The following PGAP4 variants were observed in gnomAD, a reference collection of about 807,000 sequenced individuals.
PGAP4 encodes post-GPI attachment to proteins GalNAc transferase 4, also known as GPI-N-acetylgalactosamine transferase PGAP4.
In PGAP4, 12 loss-of-function variants were observed where a neutral mutation model predicts 28.2. The observed-to-expected ratio is 0.42, with a 90% confidence interval of 0.27 to 0.69. The LOEUF (loss-of-function observed/expected upper bound fraction) is 0.69. PGAP4 is among the 30% of genes least tolerant of loss of function. PGAP4 has a pLI of 0.22. For missense variants in PGAP4, 425 were observed against 513.5 expected, an observed-to-expected ratio of 0.83 and a Z score of 1.67; for synonymous variants, 205 against 211.8, an observed-to-expected ratio of 0.97 and a Z score of 0.28.
At chr9:101,511,149 A>G (rs1239822498) in intron 2 of PGAP4, among the ~76,000 whole-genome samples, 1 of 152,130 alleles carries the variant, frequency 6.6e-6, no homozygotes, top group African/African-American at 2.4e-5. Flanking sequence ...TCTTATTCCT[A>G]TGAGAATCTA....
chr9:101,533,143 G>A (rs1169139585), exon 1 of PGAP4: 1 of 152,130 alleles, frequency 6.6e-6, no homozygotes, highest in Non-Finnish European at 1.5e-5. Context: ...CTAGTACTGA[G>A]ATCAGAGACT....
At chr9:101,530,908 T>G (rs983453090) in intron 2 of PGAP4, among the ~76,000 whole-genome samples, 1 of 152,170 alleles carries the variant, frequency 6.6e-6, no homozygotes, top group Non-Finnish European at 1.5e-5. Context: ...TTTGTTTGTT[T>G]GTTTTTTTGG....
At chr9:101,495,815 T>A (rs1588204929) in intron 2 of PGAP4, among the ~76,000 whole-genome samples, 1 of 151,078 alleles carries the variant, frequency 6.6e-6, no homozygotes, top group East Asian at 1.9e-4. Flanking sequence ...GTTTTTTTTT[T>A]AAGGCCAGTT....
chr9:101,503,218 C>G (rs1011771794), intron 2 of PGAP4, among the ~76,000 whole-genome samples: 2 of 151,960 alleles, frequency 1.3e-5, no homozygotes, highest in Non-Finnish European at 2.9e-5. Context: ...GACTAAAAAG[C>G]GATCTTACAA....
chr9:101,480,884 G>A (rs1029053555), intron 1 of PGAP4, among the ~76,000 whole-genome samples: 6 of 152,126 alleles, frequency 3.9e-5, no homozygotes, highest in African/African-American at 1.4e-4. Flanking sequence ...CTGGTTTTAA[G>A]AAGAATGGCC....
At position 101,503,279 on chromosome 9, in the gene PGAP4, C is replaced by T. The variant is rs371644046; in HGVS notation, c.-164-14079G>A. ...AAAGCAAATGAAGGAAGTCTCAGAT[C>T]CTTGGTCACCATGGAGCCTCAATCC... On this transcript the variant is annotated intron_variant, in intron 2 of 3. Coordinates refer to the PGAP4 transcript ENST00000374851. Among the ~76,000 whole-genome samples the T allele has an allele frequency of 4.6e-5, 7 of 152,122 alleles. No homozygotes were observed. In the East Asian group the frequency reaches 1.4e-3, roughly 29 times the overall value.
At chr9:101,523,367 C>T (rs1037403316) in intron 2 of PGAP4, among the ~76,000 whole-genome samples, 1 of 151,994 alleles carries the variant, frequency 6.6e-6, no homozygotes, top group African/African-American at 2.4e-5. Flanking sequence ...GGTCATTTAA[C>T]ATAATTCCAG....
chr9:101,515,746 A>C (rs766112813), intron 2 of PGAP4, among the ~76,000 whole-genome samples: 6 of 152,176 alleles, frequency 3.9e-5, no homozygotes, highest in Non-Finnish European at 7.3e-5. Flanking sequence ...TCTTAGAAAC[A>C]TTGAGAATTA....
At chr9:101,514,339 T>G (rs981989246) in intron 2 of PGAP4, among the ~76,000 whole-genome samples, 6 of 152,170 alleles carry the variant, frequency 3.9e-5, no homozygotes, top group Non-Finnish European at 7.3e-5. Context: ...TAAAAATAGG[T>G]TTAACTGATT....
intron 2 of PGAP4, among the ~76,000 whole-genome samples, chr9:101,496,497 T>G (rs1351459363): frequency 6.6e-6 from 1 of 151,658 alleles, no homozygotes; most frequent in Admixed American, 6.6e-5. Flanking sequence ...TAGAAGACCA[T>G]AATTTTTAGT....
intron 1 of PGAP4, among the ~76,000 whole-genome samples, chr9:101,482,544 A>G (rs1826518065): frequency 6.6e-6 from 1 of 152,230 alleles, no homozygotes. Context: ...ACTCTGAAGC[A>G]TAAGTCAGAA....
At chr9:101,489,278 T>A (rs968194728), upstream of PGAP4, 1 of 152,214 alleles carries the variant, frequency 6.6e-6, no homozygotes, top group Admixed American at 6.5e-5. Context: ...TGGGTACTAT[T>A]ACAATTATTA....
At chr9:101,525,571 G>A (rs1827028362) in intron 2 of PGAP4, among the ~76,000 whole-genome samples, 1 of 151,952 alleles carries the variant, frequency 6.6e-6, no homozygotes, top group African/African-American at 2.4e-5. Context: ...GCCAGGTGTG[G>A]TGACAGGTGC....
intron 2 of PGAP4, among the ~76,000 whole-genome samples, chr9:101,524,728 A>G (rs1378172449): frequency 6.6e-6 from 1 of 152,152 alleles, no homozygotes; most frequent in South Asian, 2.1e-4. Flanking sequence ...TCTTCCACAA[A>G]CAGACTTTCA....
At chr9:101,508,777 A>ATTT (rs1372468743) in intron 2 of PGAP4, among the ~76,000 whole-genome samples, 4 of 152,138 alleles carry the variant, frequency 2.6e-5, no homozygotes, top group Non-Finnish European at 5.9e-5. Context: ...ATAATGCAGA[A>ATTT]TCTACGGGAG....
chr9:101,502,810 A>T (rs1040239636), intron 2 of PGAP4, among the ~76,000 whole-genome samples: 19 of 152,104 alleles, frequency 1.2e-4, no homozygotes, highest in African/African-American at 4.3e-4. Flanking sequence ...AGAAAAGAAC[A>T]TCTATAAGAA....
chr9:101,491,113 C>A (rs1457652449), upstream of PGAP4, among the ~76,000 whole-genome samples: 1 of 152,132 alleles, frequency 6.6e-6, no homozygotes, highest in Non-Finnish European at 1.5e-5. Context: ...AGTTAATTGT[C>A]ATACTTCCTT....
rs1826943618 is a variant in PGAP4 at position 101,516,352 on chromosome 9, A to T, written c.-165+14996T>A. Reference sequence around the variant, plus strand: ...ATTTTACAGCAACATTTTTATTTGCAATAGTAGCTTCACCAGATAGTTTAA... The same window carrying T: ...ATTTTACAGCAACATTTTTATTTGCTATAGTAGCTTCACCAGATAGTTTAA... On this transcript the variant is annotated intron_variant, in intron 2 of 3. Coordinates refer to the PGAP4 transcript ENST00000374851. Among the ~76,000 whole-genome samples the T allele has an allele frequency of 4.6e-5, 7 of 152,278 alleles. No individual in the cohort carries two copies. In the South Asian group the frequency reaches 1.5e-3, roughly 32 times the overall value.
intron 2 of PGAP4, among the ~76,000 whole-genome samples, chr9:101,510,851 A>G (rs550852381): frequency 1.3e-5 from 2 of 152,304 alleles, no homozygotes; most frequent in South Asian, 4.1e-4. Flanking sequence ...CACCAGATGC[A>G]GCTATACAAT....
Sources: allele counts gnomAD v4.1 joint callset (sites outside exome capture counted in the v4.1 genomes callset), GRCh38; gene constraint gnomAD v4.1.1; transcripts MANE v1.5; gene names NCBI Gene and HGNC (gene_info 2026-07-23, HGNC 2026-07-21).